The following NBEA variants were observed in gnomAD, a reference collection of about 807,000 sequenced individuals.
NBEA encodes lysosomal-trafficking regulator 2.
In NBEA, 44 loss-of-function variants were observed where a neutral mutation model predicts 343.4. The observed-to-expected ratio is 0.13, with a 90% CI of 0.10 to 0.16. The LOEUF (loss-of-function observed/expected upper bound fraction) is 0.16. Ranked by LOEUF, NBEA falls within the 10% of genes least tolerant of loss-of-function variation. The probability of loss-of-function intolerance (pLI) is 1.00; values close to 1 mark genes in which losing one functional copy is unlikely to be tolerated. For synonymous variants in NBEA, 1,175 were observed against 1,238.7 expected (o/e 0.95, Z 1.08); for missense variants, 2,555 against 3,631.3 (o/e 0.70, Z 7.62).
intron 38 of NBEA, among the ~76,000 whole-genome samples, chr13:35,398,850 A>C (rs1171506876): frequency 6.6e-6 from 1 of 152,118 alleles, no homozygotes; most frequent in African/African-American, 2.4e-5. Flanking sequence ...TAAGAGAGTT[A>C]GCATGCCCTT....
chr13:35,093,892 G>A (rs1227928009), intron 10 of NBEA, among the ~76,000 whole-genome samples: 1 of 151,652 alleles, frequency 6.6e-6, no homozygotes, highest in Non-Finnish European at 1.5e-5. Flanking sequence ...TACCTTTGAA[G>A]GCTTTTAGTA....
rs2080501341 is a variant in NBEA at position 35,572,753 on chromosome 13, A to C, written c.7035+5736A>C. 6.6e-5 allele frequency among the ~76,000 whole-genome samples: 10 copies of C among 151,938 alleles called. No homozygotes were observed. In the South Asian group the frequency reaches 2.1e-3, roughly 32 times the overall value. On this transcript the variant is annotated intron_variant, in intron 45 of 58. Coordinates refer to ENST00000379939, the MANE Select transcript of NBEA (RefSeq NM_001385012.1). ...GTTGTTGTTGTTGTTGTTGTTTTTG[A>C]GATGGAGTCTCCCTCTGTCACCCAG... is the stretch of plus-strand genomic sequence containing the variant.
intron 7 of NBEA, among the ~76,000 whole-genome samples, chr13:35,056,693 T>C (rs2063277046): frequency 1.3e-5 from 2 of 152,118 alleles, no homozygotes; most frequent in Admixed American, 1.3e-4. Context: ...GCAATTTGTC[T>C]GGAGCAGAGG....
Position 35,567,026 on chromosome 13 carries a change from TA to T in NBEA, c.7035+12del. The T allele has an allele frequency of 6.8e-7, 1 of 1,473,332 alleles. No individual in the cohort carries two copies. Among genetic ancestry groups the T allele is most frequent in the South Asian group, 1.1e-5 (1 of 87,272 alleles). The allele number at this position is 1,473,332 out of a possible 1,614,324, so 91.3% of individuals were successfully genotyped here. A position where few individuals can be genotyped will look rare whatever the true frequency, so the allele number is the denominator to read the frequency against. ...TCAGGGATCTATCAAAGGTAACTTT[TA>T]AATATATAGAAGTCAGCTTTCTTCA... On this transcript the variant is annotated intron_variant, in intron 45 of 58. Transcript: ENST00000379939.
chr13:35,045,238 A>T (rs1325562069), intron 3 of NBEA, 68 bp from the exon 4 acceptor site: 1 of 1,334,456 alleles, frequency 7.5e-7, no homozygotes, highest in East Asian at 2.4e-5. Context: ...TCCAATGGGT[A>T]ACATGGTATA....
chr13:35,476,153 C>A (rs759743586), intron 41 of NBEA: 1 of 1,613,252 alleles, frequency 6.2e-7, no homozygotes, highest in Non-Finnish European at 8.5e-7. Flanking sequence ...GGGCAGAGAT[C>A]CGGATTGTAC....
At chr13:35,478,719 A>C (rs2075991683) in intron 41 of NBEA, among the ~76,000 whole-genome samples, 1 of 152,230 alleles carries the variant, frequency 6.6e-6, no homozygotes, top group Non-Finnish European at 1.5e-5. Context: ...GTGTGGTCGC[A>C]GCCAAGCCCC....
intron 46 of NBEA, among the ~76,000 whole-genome samples, chr13:35,585,371 T>C (rs2081252176): frequency 6.6e-6 from 1 of 151,852 alleles, no homozygotes; most frequent in East Asian, 2.0e-4. Flanking sequence ...AGCATCCCAT[T>C]TTTTACCTAT....
At chr13:35,535,791 A>G (rs1244317357) in intron 41 of NBEA, among the ~76,000 whole-genome samples, 2 of 152,164 alleles carry the variant, frequency 1.3e-5, no homozygotes, top group Non-Finnish European at 2.9e-5. Context: ...TCTTTCCACT[A>G]CAGCATGGCA....
chr13:35,659,299 C>T (rs1394611474), intron 55 of NBEA, among the ~76,000 whole-genome samples: 2 of 152,136 alleles, frequency 1.3e-5, no homozygotes, highest in African/African-American at 4.8e-5. Flanking sequence ...CCAAATCACA[C>T]CTGTTCATCA....
chr13:35,670,151 A>G (rs2153089559), intron 58 of NBEA, among the ~76,000 whole-genome samples: 1 of 152,346 alleles, frequency 6.6e-6, no homozygotes, highest in East Asian at 1.9e-4. Context: ...GTGTCTAATC[A>G]AAAGTGAAGC....
chr13:35,541,818 C>T (rs2078841328), intron 41 of NBEA, among the ~76,000 whole-genome samples: 1 of 151,464 alleles, frequency 6.6e-6, no homozygotes, highest in South Asian at 2.1e-4. Flanking sequence ...CAGTAGTAGG[C>T]TGACATTTGT....
chr13:35,476,046 G>A (rs758880107), intron 41 of NBEA: 8 of 1,614,200 alleles, frequency 5.0e-6, no homozygotes, highest in East Asian at 2.2e-5. Flanking sequence ...AGACTTCCCG[G>A]ATAGTTTTGG....
intron 1 of NBEA, among the ~76,000 whole-genome samples, chr13:34,964,269 T>C (rs1214503632): frequency 6.6e-6 from 1 of 151,996 alleles, no homozygotes; most frequent in Non-Finnish European, 1.5e-5. Context: ...TTAAATATAT[T>C]GAAGCTTTGA....
chr13:35,580,264 T>C (rs1260695159), intron 45 of NBEA, among the ~76,000 whole-genome samples: 2 of 152,152 alleles, frequency 1.3e-5, no homozygotes, highest in African/African-American at 4.8e-5. Flanking sequence ...TTGTATATGG[T>C]AACACTTAAA....
At position 35,290,396 on chromosome 13, in the gene NBEA, T is replaced by G. The variant is rs2035727746; in HGVS notation, c.5784T>G (p.Val1928=). Residue 1928 remains valine (V), a synonymous_variant, in exon 35 of 59, where the codon GTT becomes GTG. Transcript: ENST00000379939. Reference sequence around the variant, plus strand: ...AACCTTTCTTTGTTGTAGGCCTTGTTTGTATGAAGTCCAGCACATCTGTGG... The same window carrying G: ...AACCTTTCTTTGTTGTAGGCCTTGTGTGTATGAAGTCCAGCACATCTGTGG... ...HGQELLIEGL[V]CMKSSTSVVE... is the part of the protein sequence containing the mutation. 6.2e-7 allele frequency: 1 copy of G among 1,604,682 alleles called. No individual in the cohort carries two copies. The highest frequency in any genetic ancestry group is 8.5e-7 in the Non-Finnish European group (1 of 1,173,330).
intron 38 of NBEA, among the ~76,000 whole-genome samples, chr13:35,417,529 G>C (rs117061256): frequency 6.6e-6 from 1 of 151,932 alleles, no homozygotes. Context: ...GTTCAGTTTC[G>C]TGTAGTTGAG....
chr13:35,270,261 GCA>G lies in NBEA; in HGVS notation c.5777-20125_5777-20124del, dbSNP rs568596238. ...TTGTCATAAACAAACATTTAAAACTGCACAGTTTAGTATTTCAATATGGAAAT... is the reference window on the plus strand; with the variant it reads ...TTGTCATAAACAAACATTTAAAACTGCAGTTTAGTATTTCAATATGGAAAT... On this transcript the variant is annotated intron_variant, in intron 34 of 58. Coordinates refer to ENST00000379939, the MANE Select transcript of NBEA (RefSeq NM_001385012.1). Among the ~76,000 whole-genome samples the G allele has an allele frequency of 2.0e-5, 3 of 152,202 alleles. No homozygotes were observed. In the East Asian group the frequency reaches 5.8e-4, roughly 29 times the overall value.
chr13:35,655,856 A>C (rs1381976974), intron 55 of NBEA, 107 bp downstream of exon 55: 4 of 1,145,538 alleles, frequency 3.5e-6, no homozygotes, highest in Non-Finnish European at 4.9e-6. Flanking sequence ...GGATTTTAAA[A>C]TATGAAAGCT....
Sources: gnomAD v4.1 joint callset for allele counts (sites outside exome capture counted in the v4.1 genomes callset) on GRCh38, gnomAD v4.1.1 for gene constraint, MANE v1.5 for transcripts, NCBI Gene and HGNC (gene_info 2026-07-23, HGNC 2026-07-21) for gene names.